LZTS3: variants seen among roughly 807,000 people sequenced by gnomAD.
The protein encoded by LZTS3 is leucine zipper putative tumor suppressor 3.
A neutral mutation model predicts 50.9 loss-of-function variants in LZTS3; 16 were observed. The observed-to-expected ratio is 0.31, with a 90% CI of 0.21 to 0.48. The LOEUF is 0.48. LZTS3 is among the 20% of genes least tolerant of loss of function. LZTS3 has a pLI of 0.99. For missense variants in LZTS3, 816 were observed against 931.0 expected (o/e 0.88, Z 1.61); for synonymous variants, 408 against 410.6 (o/e 0.99, Z 0.08).
intron 1 of LZTS3, among the ~76,000 whole-genome samples, chr20:3,170,661 T>A (rs1440545913): frequency 6.6e-6 from 1 of 151,354 alleles, no homozygotes; most frequent in Non-Finnish European, 1.5e-5. Flanking sequence ...GGTGTGGTGG[T>A]GCATGCCTGT....
Position 3,164,245 on chromosome 20 carries a change from C to T in LZTS3, c.*209G>A. The T allele has an allele frequency of 2.1e-6, 1 of 483,116 alleles. No individual in the cohort carries two copies. The highest frequency in any genetic ancestry group is 3.5e-6 in the Non-Finnish European group (1 of 285,594). 29.9% of individuals were successfully genotyped at this position (483,116 alleles called of 1,614,324 possible). A position where few individuals can be genotyped will look rare whatever the true frequency, so the allele number is the denominator to read the frequency against. On this transcript the variant is annotated 3_prime_UTR_variant, in exon 5 of 5. Transcript: ENST00000337576. The stretch of plus-strand genomic sequence containing the variant: ...CACCCTGCCCTCCTCCTATTCCCTC[C>T]TTTTAGGGGGGTCCAAGTGGGCTGC...
At chr20:3,168,962 C>T (rs2066869956) in intron 1 of LZTS3, among the ~76,000 whole-genome samples, 1 of 152,182 alleles carries the variant, frequency 6.6e-6, no homozygotes. Context: ...GGAATGAGAG[C>T]TCTAGGTTGT....
In LZTS3 at chr20:3,167,866, G is replaced by C. The variant is rs1181064787; in HGVS notation, c.-147C>G. On this transcript the variant is annotated 5_prime_UTR_variant, in exon 2 of 5. Transcript: ENST00000337576. The stretch of plus-strand genomic sequence containing the variant: ...ACCCTCCGAGGCCCGGTCTGCAGGG[G>C]CCATGTGCCTCACTCTCGCAGTCGG... The C allele has an allele frequency of 2.0e-6, 2 of 985,312 alleles. No individual in the cohort carries two copies. Among genetic ancestry groups the C allele is most frequent in the Non-Finnish European group, 1.2e-6 (1 of 829,938 alleles). 61.0% of individuals were successfully genotyped at this position (985,312 alleles called of 1,614,324 possible). A position where few individuals can be genotyped will look rare whatever the true frequency, so the allele number is the denominator to read the frequency against.
At position 3,165,360 on chromosome 20, in the gene LZTS3, C is replaced by G. The variant is rs1452107495; in HGVS notation, c.1323+137G>C. On this transcript the variant is annotated intron_variant, in intron 4 of 4. Coordinates refer to ENST00000337576, the MANE Select transcript of LZTS3 (RefSeq NM_001365618.1). The surrounding 1 kb of genome is among the most constrained non-coding windows in gnomAD (Gnocchi z 5.0). Reference sequence around the variant, plus strand: ...TGGCCTCGGGTCCTCACAGACACTCCCAATTGATTTTTGTCCCCCCTGCTC... The same window carrying G: ...TGGCCTCGGGTCCTCACAGACACTCGCAATTGATTTTTGTCCCCCCTGCTC... The G allele has an allele frequency of 2.3e-5, 32 of 1,384,766 alleles. No homozygotes were observed. Among genetic ancestry groups the G allele is most frequent in the Non-Finnish European group, 9.6e-6 (10 of 1,043,206 alleles). 85.8% of individuals were successfully genotyped at this position (1,384,766 alleles called of 1,614,324 possible). A position where few individuals can be genotyped will look rare whatever the true frequency, so the allele number is the denominator to read the frequency against.
chr20:3,165,789 T>C lies in LZTS3; in HGVS notation c.1031A>G (p.Gln344Arg). The C allele has an allele frequency of 6.3e-7, 1 of 1,591,766 alleles. No individual in the cohort carries two copies. Residue 344 changes from glutamine (Q) to arginine (R), a missense_variant, in exon 4 of 5, where the codon CAG becomes CGG. Gln to Arg is a conservative substitution (Grantham distance 43). This residue lies in a region of LZTS3 where 700 missense variants were observed against 769.4 expected (regional missense o/e 0.91). Transcript: ENST00000337576. This position sits in a 1 kb window ranked among gnomAD's most constrained non-coding sequence, Gnocchi z 5.0. ...EVAALRRSLE[Q>R]SEAAVAQVLE... ...TACCTGGGCCACAGCCGCCTCGCTC[T>C]GCTCCAGGCTGCGCCGCAGAGCTGC... is the stretch of plus-strand genomic sequence containing the variant.
In LZTS3 at chr20:3,166,941, C is replaced by T. The variant is rs144557583; in HGVS notation, c.223G>A (p.Gly75Ser). 1.4e-4 allele frequency: 222 copies of T among 1,608,468 alleles called. No individual in the cohort carries two copies. The highest frequency in any genetic ancestry group is 1.8e-4 in the Non-Finnish European group (207 of 1,179,664). ...GGCCTCTCCCTGCTGGCCCCACTGCCACTGCCTCGGGGGCCAGGGAAACTG... is the reference window on the plus strand; with the variant it reads ...GGCCTCTCCCTGCTGGCCCCACTGCTACTGCCTCGGGGGCCAGGGAAACTG... The part of the protein sequence containing the change: ...QGSFPGPRGS[G>S]SGASRERPGR... The change falls in exon 3 of 5, where the codon GGC becomes AGC. Residue 75 changes from glycine (G) to serine (S), a missense_variant. This residue lies in a region of LZTS3 where 700 missense variants were observed against 769.4 expected (regional missense o/e 0.91). Transcript: ENST00000337576.
In LZTS3 at chr20:3,167,630, A is replaced by G. The variant is rs550575565; in HGVS notation, c.-19+108T>C. 133 of 990,680 alleles carry G rather than the reference A, an allele frequency of 1.3e-4. No individual in the cohort carries two copies. In the African/African-American group the frequency reaches 2.1e-3, roughly 16 times the overall value. The allele number at this position is 990,680 out of a possible 1,614,324, so 61.4% of individuals were successfully genotyped here. A position where few individuals can be genotyped will look rare whatever the true frequency, so the allele number is the denominator to read the frequency against. ...GCTGGGGAAATGGGGTTGGAAGGGG[A>G]GAGCAGTACCTGAATCCAACAGGGA... On this transcript the variant is annotated intron_variant, in intron 2 of 4. Coordinates refer to ENST00000337576, the MANE Select transcript of LZTS3 (RefSeq NM_001365618.1).
intron 2 of LZTS3, 58 bp from the exon 3 acceptor site, chr20:3,167,239 C>T (rs2066843460): frequency 7.0e-7 from 1 of 1,422,666 alleles, no homozygotes. Context: ...TTCCCACCAC[C>T]CCAGCCAAGT....
Position 3,164,714 on chromosome 20 carries a change from G to T in LZTS3, c.1762C>A (p.Arg588=), listed in dbSNP as rs1283269031. ...GCACCCTGGCGCTCCCGGGCCCGCC[G>T]CTCAGCCGCCAGCTCGGCCTGCAGC... ...GRLQAELAAE[R]RARERQGASF... The change falls in exon 5 of 5, where the codon CGG becomes AGG. Residue 588 remains arginine (R), a synonymous_variant. Transcript: ENST00000337576. 1 of 1,572,000 alleles carries T rather than the reference G, an allele frequency of 6.4e-7. No homozygotes were observed. Among genetic ancestry groups the T allele is most frequent in the Admixed American group, 1.9e-5 (1 of 53,806 alleles).
rs2066850829 is a variant in LZTS3 at position 3,167,731 on chromosome 20, C to T, written c.-19+7G>A. The T allele has an allele frequency of 1.0e-6, 1 of 985,750 alleles. No individual in the cohort carries two copies. The highest frequency in any genetic ancestry group is 4.7e-5 in the South Asian group (1 of 21,294). 61.1% of individuals were successfully genotyped at this position (985,750 alleles called of 1,614,324 possible). ...TTGAGGGTGGGGGTCCTTCCCAGCC[C>T]CCTAACCTAAGTGTTGCAGTCAGGG... is the stretch of plus-strand genomic sequence containing the variant. On this transcript the variant is annotated splice_region_variant and intron_variant, in intron 2 of 4. Coordinates refer to ENST00000337576, the MANE Select transcript of LZTS3 (RefSeq NM_001365618.1).
intron 3 of LZTS3, 101 bp downstream of exon 3, chr20:3,166,604 C>T (rs1015546705): frequency 2.1e-5 from 31 of 1,452,400 alleles, no homozygotes; most frequent in Non-Finnish European, 2.9e-5. Context: ...CCATCCTGCC[C>T]CCACAACCCA....
chr20:3,165,402 C>CT lies in LZTS3; in HGVS notation c.1323+94_1323+95insA. 3 of 1,264,272 alleles carry CT rather than the reference C, an allele frequency of 2.4e-6. No individual in the cohort carries two copies. Among genetic ancestry groups the CT allele is most frequent in the Non-Finnish European group, 3.2e-6 (3 of 949,268 alleles). The allele number at this position is 1,264,272 out of a possible 1,614,324, so 78.3% of individuals were successfully genotyped here. On this transcript the variant is annotated intron_variant, in intron 4 of 4. Transcript: ENST00000337576. This position sits in a 1 kb window ranked among gnomAD's most constrained non-coding sequence, Gnocchi z 5.0. ...CCCCTGCTCCTTTCATCCCCCCCCC[C>CT]ATCCCACCGTTATGATAGTGAGGGG...
Position 3,165,563 on chromosome 20 carries a change from G to A in LZTS3, c.1257C>T (p.Asp419=), listed in dbSNP as rs754564656. The change falls in exon 4 of 5, where the codon GAC becomes GAT. Residue 419 remains aspartate, a synonymous_variant. Transcript: ENST00000337576. This position sits in a 1 kb window ranked among gnomAD's most constrained non-coding sequence, Gnocchi z 5.0. ...RLMRQREELE[D]KVAACQKEQA... Reference sequence around the variant, plus strand: ...GCTCCTTCTGGCAGGCGGCCACCTTGTCCTCCAGCTCTTCCCGCTGCCGCA... The same window carrying A: ...GCTCCTTCTGGCAGGCGGCCACCTTATCCTCCAGCTCTTCCCGCTGCCGCA... 7 of 1,591,310 alleles carry A rather than the reference G, an allele frequency of 4.4e-6. No homozygotes were observed. In the Admixed American group the frequency reaches 1.0e-4, roughly 23 times the overall value.
Position 3,167,860 on chromosome 20 carries a change from G to A in LZTS3, c.-141C>T. The A allele has an allele frequency of 1.0e-6, 1 of 985,376 alleles. No homozygotes were observed. The highest frequency in any genetic ancestry group is 1.2e-6 in the Non-Finnish European group (1 of 829,916). The allele number at this position is 985,376 out of a possible 1,614,324, so 61.0% of individuals were successfully genotyped here. ...CCTGGGACCCTCCGAGGCCCGGTCT[G>A]CAGGGGCCATGTGCCTCACTCTCGC... On this transcript the variant is annotated 5_prime_UTR_variant, in exon 2 of 5. Transcript: ENST00000337576.
Position 3,166,177 on chromosome 20 carries a change from C to A in LZTS3, c.643G>T (p.Gly215Cys). The A allele has an allele frequency of 2.5e-6, 4 of 1,613,684 alleles. No homozygotes were observed. In the Admixed American group the frequency reaches 6.7e-5, roughly 27 times the overall value. ...GAGTTCCGGCCTGAGTCTGAGAGGC[C>A]ACTCCCACTCCCACCCGCTGGAGTC... is the stretch of plus-strand genomic sequence containing the variant. ...TMTPAGGSGSGLSDSGRNSLT... is the reference protein window; with the variant it reads ...TMTPAGGSGSCLSDSGRNSLT... Residue 215 changes from glycine (G) to cysteine (C), a missense_variant, in exon 4 of 5, where the codon GGC (glycine) becomes TGC (cysteine). Physicochemically the swap from Gly to Cys is radical, Grantham distance 159. Transcript: ENST00000337576.
At chr20:3,169,038 C>T (rs918633961) in intron 1 of LZTS3, among the ~76,000 whole-genome samples, 38 of 152,246 alleles carry the variant, frequency 2.5e-4, no homozygotes, top group African/African-American at 9.1e-4. Context: ...TCTGTCCCCA[C>T]AGGTGTGGAG....
At position 3,165,391 on chromosome 20, in the gene LZTS3, A is replaced by ACCG. The variant is rs1555767247; in HGVS notation, c.1323+105_1323+106insCGG. The ACCG allele has an allele frequency of 1.3e-5, 12 of 937,056 alleles. No individual in the cohort carries two copies. In the African/African-American group the frequency reaches 2.3e-4, roughly 18 times the overall value. The allele number at this position is 937,056 out of a possible 1,614,324, so 58.0% of individuals were successfully genotyped here. A position where few individuals can be genotyped will look rare whatever the true frequency, so the allele number is the denominator to read the frequency against. ...GATTTTTGTCCCCCCTGCTCCTTTC[A>ACCG]TCCCCCCCCCCATCCCACCGTTATG... On this transcript the variant is annotated intron_variant, in intron 4 of 4. Transcript: ENST00000337576. The surrounding 1 kb of genome is among the most constrained non-coding windows in gnomAD (Gnocchi z 5.0).
Position 3,166,018 on chromosome 20 carries a change from A to AC in LZTS3, c.801dup (p.Ser268ValfsTer11). ...GAGGTCCCCAGGTCCTGGTAGCCCG[A>AC]CCCCCCACCGCTGCTGCCGCCACTA... On this transcript the variant is annotated frameshift_variant, in exon 4 of 5. Coordinates refer to ENST00000337576, the MANE Select transcript of LZTS3 (RefSeq NM_001365618.1). LOFTEE classifies it high-confidence loss of function. 1 of 1,600,614 alleles carries AC rather than the reference A, an allele frequency of 6.2e-7. No individual in the cohort carries two copies. Among genetic ancestry groups the AC allele is most frequent in the Non-Finnish European group, 8.5e-7 (1 of 1,173,718 alleles).
At position 3,166,790 on chromosome 20, in the gene LZTS3, C is replaced by T; in HGVS notation, c.374G>A (p.Ser125Asn). Residue 125 changes from serine to asparagine, a missense_variant, in exon 3 of 5, where the codon AGT becomes AAT. Ser to Asn is a conservative substitution (Grantham distance 46, BLOSUM62 1). Around this residue, in one of 3 missense-constraint regions of LZTS3, gnomAD observed 700 missense variants for 769.4 expected, o/e 0.91. Transcript: ENST00000337576. ...VVGSSGGSSSSGGSDKAPPQY... is the reference protein window; with the variant it reads ...VVGSSGGSSSNGGSDKAPPQY... ...CGGTGGGGCTTTGTCACTGCCACCA[C>T]TGCTGCTGCTGCCTCCGCTGCTGCC... 5 of 1,613,062 alleles carry T rather than the reference C, an allele frequency of 3.1e-6. No individual in the cohort carries two copies. Among genetic ancestry groups the T allele is most frequent in the Non-Finnish European group, 4.2e-6 (5 of 1,179,600 alleles).
Sources: gnomAD v4.1 joint callset for allele counts (sites outside exome capture counted in the v4.1 genomes callset) on GRCh38, gnomAD v4.1.1 for gene constraint, gnomAD v4.1.1 regional missense constraint, Gnocchi (gnomAD v3.1) non-coding constraint, MANE v1.5 for transcripts, NCBI Gene and HGNC (gene_info 2026-07-23, HGNC 2026-07-21) for gene names.